Variants in AP3D1 observed in about 807,000 individuals in gnomAD.
The protein encoded by AP3D1 is AP-3 complex subunit delta-1.
A neutral mutation model predicts 147.6 loss-of-function variants in AP3D1; 51 were observed. The observed-to-expected ratio is 0.35, with a 90% CI of 0.28 to 0.44. AP3D1 has a LOEUF of 0.44. Among genes scored for constraint, AP3D1 ranks in the 20% least tolerant of loss-of-function variants. The probability of loss-of-function intolerance (pLI) is 1.00; values close to 1 mark genes in which losing one functional copy is unlikely to be tolerated. For synonymous variants in AP3D1, 760 were observed against 663.0 expected, an observed-to-expected ratio of 1.15 and a Z score of -2.25; for missense variants, 1,421 against 1,624.2, an observed-to-expected ratio of 0.87 and a Z score of 2.15.
Position 2,119,394 on chromosome 19 carries a change from T to C in AP3D1, c.1482-562A>G, listed in dbSNP as rs138232235. Among the ~76,000 whole-genome samples, 731 of 152,074 alleles carry C rather than the reference T, an allele frequency of 4.8e-3. 3 individuals are homozygous for C. The highest frequency in any genetic ancestry group is 0.017 in the African/African-American group (711 of 41,480). ...CAACACGGTGAAACCCCATCTCTAC[T>C]AAAAATACAGAAAGTGAGGGCGGGC... On this transcript the variant is annotated intron_variant, in intron 14 of 31. Transcript: ENST00000643116.
In AP3D1 at chr19:2,138,688, A is replaced by C; in HGVS notation, c.123T>G (p.Asp41Glu). ...DEAKYISQCIDEIKQELKQDN... is the reference protein window; with the variant it reads ...DEAKYISQCIEEIKQELKQDN... ...CCTGCTTCAGCTCCTGCTTGATCTC[A>C]TCAATGCACTGAGATATGTATTTTG... Residue 41 changes from aspartate (D) to glutamate (E), a missense_variant, in exon 2 of 32, where the codon GAT (aspartate) becomes GAG (glutamate). By Grantham distance (45) the Asp-to-Glu change is conservative. Coordinates refer to ENST00000643116, the MANE Select transcript of AP3D1 (RefSeq NM_001261826.3). 1 of 1,613,644 alleles carries C rather than the reference A, an allele frequency of 6.2e-7. No individual in the cohort carries two copies. Among genetic ancestry groups the C allele is most frequent in the Non-Finnish European group, 8.5e-7 (1 of 1,179,936 alleles).
chr19:2,109,979 TG>T, intron 28 of AP3D1, 21 bp from the exon 29 acceptor site: 1 of 1,612,666 alleles, frequency 6.2e-7, no homozygotes, highest in Non-Finnish European at 8.5e-7. Flanking sequence ...GTGAAGGTGG[TG>T]CAGTTGAGAG....
At chr19:2,153,484 T>G (rs1212403790), upstream of AP3D1, among the ~76,000 whole-genome samples, 1 of 152,018 alleles carries the variant, frequency 6.6e-6, no homozygotes, top group African/African-American at 2.4e-5. Flanking sequence ...GAGACCAGCG[T>G]GGCCAACATG....
chr19:2,134,108 T>TAA (rs1274184262), intron 4 of AP3D1, among the ~76,000 whole-genome samples: 2 of 151,300 alleles, frequency 1.3e-5, no homozygotes, highest in African/African-American at 4.9e-5. Flanking sequence ...AAAAAATAAA[T>TAA]AAAATAAAAT....
At chr19:2,111,405 ATAC>A in intron 25 of AP3D1, 73 bp from the exon 26 acceptor site, 3 of 1,565,162 alleles carry the variant, frequency 1.9e-6, no homozygotes, top group Non-Finnish European at 2.6e-6. Flanking sequence ...GTATGGCCCA[ATAC>A]CCCAGGTCGA....
chr19:2,123,440 C>T, intron 10 of AP3D1, 34 bp from the exon 11 acceptor site: 2 of 1,611,366 alleles, frequency 1.2e-6, no homozygotes, highest in Non-Finnish European at 1.7e-6. Flanking sequence ...CTGGTTACAT[C>T]CTCTAAACCA....
rs758685294 is a variant in AP3D1, at chr19:2,120,971, G to C, written c.1372C>G (p.Gln458Glu). The C allele has an allele frequency of 6.2e-7, 1 of 1,612,168 alleles. No individual in the cohort carries two copies. Among genetic ancestry groups the C allele is most frequent in the South Asian group, 1.1e-5 (1 of 91,090 alleles). Residue 458 changes from glutamine to glutamate, a missense_variant, in exon 14 of 32, where the codon CAG becomes GAG. Physicochemically the swap from Gln to Glu is conservative, Grantham distance 29. Around this residue, in one of 6 missense-constraint regions of AP3D1, gnomAD observed 310 missense variants for 388.1 expected, o/e 0.80. Transcript: ENST00000643116. ...GCACTGTCAAGCAGCGCAGACATCT[G>C]GGACACGGCGAACTTGCGGATGGCC... ...VKAIRKFAVS[Q>E]MSALLDSAHL...
chr19:2,121,333 G>A (rs1252424941), intron 12 of AP3D1, 22 bp from the exon 13 acceptor site: 1 of 1,613,470 alleles, frequency 6.2e-7, no homozygotes. Flanking sequence ...TGTACAGACA[G>A]TGGTGAGAGC....
chr19:2,155,391 G>A (rs1480742934), upstream of AP3D1, among the ~76,000 whole-genome samples: 1 of 148,808 alleles, frequency 6.7e-6, no homozygotes, highest in Non-Finnish European at 1.5e-5. Context: ...CAAAAAATTA[G>A]CTGGGTGTGT....
chr19:2,138,551 T>C (rs1011032416), intron 2 of AP3D1, 68 bp downstream of exon 2: 64 of 1,193,498 alleles, frequency 5.4e-5, no homozygotes, highest in East Asian at 2.1e-4. Flanking sequence ...GGCTGATGAA[T>C]AGGGGACACG....
intron 1 of AP3D1, among the ~76,000 whole-genome samples, chr19:2,162,695 C>A (rs2019739460): frequency 6.6e-6 from 1 of 151,618 alleles, no homozygotes; most frequent in Non-Finnish European, 1.5e-5. Context: ...AAAAAAAACC[C>A]CAAAAAACAG....
intron 20 of AP3D1, 118 bp from the exon 21 acceptor site, chr19:2,114,939 C>T (rs1017416833): frequency 1.6e-5 from 18 of 1,156,256 alleles, no homozygotes; most frequent in East Asian, 4.8e-5. Context: ...TGGGCAGTGA[C>T]GTGGCTCCAC....
chr19:2,102,653 G>A (rs187119289), intron 31 of AP3D1, among the ~76,000 whole-genome samples: 407 of 151,044 alleles, frequency 2.7e-3, no homozygotes, highest in Non-Finnish European at 4.3e-3. Context: ...GCGTGAACCC[G>A]GGAGGTGGAC....
chr19:2,145,497 T>C (rs146642144), intron 1 of AP3D1, among the ~76,000 whole-genome samples: 2 of 152,152 alleles, frequency 1.3e-5, no homozygotes, highest in East Asian at 1.9e-4. Context: ...AGGCATGGAG[T>C]GGGTGGAGGC....
intron 1 of AP3D1, among the ~76,000 whole-genome samples, chr19:2,160,759 A>G (rs2019690210): frequency 6.6e-6 from 1 of 152,164 alleles, no homozygotes; most frequent in Non-Finnish European, 1.5e-5. Context: ...ATGTTAGACC[A>G]GGATCTCTCC....
chr19:2,124,092 C>A (rs887174544), intron 9 of AP3D1, among the ~76,000 whole-genome samples: 2 of 152,240 alleles, frequency 1.3e-5, no homozygotes, highest in Non-Finnish European at 2.9e-5. Flanking sequence ...GGGGCCCCCA[C>A]CCTCACTGAC....
Position 2,123,432 on chromosome 19 carries a change from G to A in AP3D1, c.907-26C>T, listed in dbSNP as rs776068795. On this transcript the variant is annotated intron_variant, in intron 10 of 31. Coordinates refer to ENST00000643116, the MANE Select transcript of AP3D1 (RefSeq NM_001261826.3). ...CTGAAAAGAAGAAAAAAACGATGCT[G>A]GTTACATCCTCTAAACCAAGGGTGA... 13 of 1,612,908 alleles carry A rather than the reference G, an allele frequency of 8.1e-6. No homozygotes were observed. The South Asian group carries it at 9.9e-5, about 12-fold the overall frequency.
In AP3D1 at chr19:2,111,736, G is replaced by A. The variant is rs919045163; in HGVS notation, c.2880C>T (p.Ser960=). ...KKKSKKQPPG[S]EEAAGEPVQN... is the part of the protein sequence containing the mutation. ...GCACCGGCTCCCCCGCTGCCTCCTC[G>A]CTGCCTGGAGGCTGCTTCTTGGACT... Residue 960 remains serine, a synonymous_variant, in exon 25 of 32, where the codon AGC becomes AGT. Transcript: ENST00000643116. 9 of 1,607,002 alleles carry A rather than the reference G, an allele frequency of 5.6e-6. No homozygotes were observed. The highest frequency in any genetic ancestry group is 2.2e-5 in the South Asian group (2 of 90,054).
chr19:2,122,260 G>A (rs2018633080), intron 11 of AP3D1, among the ~76,000 whole-genome samples: 1 of 152,190 alleles, frequency 6.6e-6, no homozygotes, highest in Non-Finnish European at 1.5e-5. Flanking sequence ...CCTGTACCCA[G>A]TACTCACTGT....
Sources: gnomAD v4.1 joint callset for allele counts (sites outside exome capture counted in the v4.1 genomes callset) on GRCh38, gnomAD v4.1.1 for gene constraint, gnomAD v4.1.1 regional missense constraint, MANE v1.5 for transcripts, NCBI Gene and HGNC (gene_info 2026-07-23, HGNC 2026-07-21) for gene names.